UBN2: variants seen among roughly 807,000 people sequenced by gnomAD.
UBN2 encodes ubinuclein 2.
Under a neutral mutation model 120.2 loss-of-function variants are expected in UBN2, and 35 were observed. That is an observed-to-expected ratio of 0.29 (90% CI 0.22 to 0.39). The LOEUF (loss-of-function observed/expected upper bound fraction) is 0.39. Among genes scored for constraint, UBN2 ranks in the 10% least tolerant of loss-of-function variants. The probability of loss-of-function intolerance (pLI) is 1.00; values close to 1 mark genes in which losing one functional copy is unlikely to be tolerated. For missense variants in UBN2, 1,693 were observed against 1,663.2 expected (o/e 1.02, Z -0.31); for synonymous variants, 661 against 648.7 (o/e 1.02, Z -0.29).
At position 139,258,481 on chromosome 7, in the gene UBN2, A is replaced by T. The variant is rs1490533343; in HGVS notation, c.664-7A>T. The T allele has an allele frequency of 6.5e-7, 1 of 1,547,282 alleles. No homozygotes were observed. The highest frequency in any genetic ancestry group is 1.9e-5 in the Admixed American group (1 of 53,052). On this transcript the variant is annotated splice_region_variant and splice_polypyrimidine_tract_variant and intron_variant, in intron 3 of 17. Coordinates refer to ENST00000473989, the MANE Select transcript of UBN2 (RefSeq NM_173569.4). Reference sequence around the variant, plus strand: ...TATAGCGGAAACTTTTTTGTTTTTTAATCTAGTATGATGAATTAGTTCCCG... The same window carrying T: ...TATAGCGGAAACTTTTTTGTTTTTTTATCTAGTATGATGAATTAGTTCCCG...
intron 6 of UBN2, among the ~76,000 whole-genome samples, chr7:139,263,782 A>T (rs1464339590): frequency 2.0e-5 from 3 of 152,044 alleles, no homozygotes; most frequent in Non-Finnish European, 4.4e-5. Context: ...AAAAAAAAAA[A>T]AATAGGAATA....
In UBN2 at chr7:139,261,351, G is replaced by A; in HGVS notation, c.1005G>A (p.Lys335=). The A allele has an allele frequency of 1.2e-6, 2 of 1,614,148 alleles. No individual in the cohort carries two copies. Among genetic ancestry groups the A allele is most frequent in the South Asian group, 2.2e-5 (2 of 91,084 alleles). The change falls in exon 6 of 18, where the codon AAG becomes AAA. Residue 335 remains lysine (K), a synonymous_variant. Coordinates refer to ENST00000473989, the MANE Select transcript of UBN2 (RefSeq NM_173569.4). The part of the protein sequence containing the change: ...AAMIRKFQKE[K]DALKKESNPK... ...TGATTAGAAAATTCCAGAAAGAGAAGGATGCATTAAAGAAGGAGTCTAACC... is the reference window on the plus strand; with the variant it reads ...TGATTAGAAAATTCCAGAAAGAGAAAGATGCATTAAAGAAGGAGTCTAACC...
In UBN2 at chr7:139,283,667, CTTCG is replaced by C; in HGVS notation, c.2765_2768del (p.Ser922Ter). On this transcript the variant is annotated frameshift_variant, in exon 15 of 18. Coordinates refer to ENST00000473989, the MANE Select transcript of UBN2 (RefSeq NM_173569.4). LOFTEE classifies it high-confidence loss of function. Reference sequence around the variant, plus strand: ...GGAACATCCGAGGCCCAAGATGCTTCTTCGTTAACACAAGTAACAAAGGTGCACC... The same window carrying C: ...GGAACATCCGAGGCCCAAGATGCTTCTTAACACAAGTAACAAAGGTGCACC... The C allele has an allele frequency of 6.2e-7, 1 of 1,614,190 alleles. No individual in the cohort carries two copies. The highest frequency in any genetic ancestry group is 8.5e-7 in the Non-Finnish European group (1 of 1,180,038).
rs1209938123 is a variant in UBN2, at chr7:139,231,410, AG to A, written c.-72del. ...AGAAAAGCGACAGAGAGCAAGAGGA[AG>A]GGCGGGCAGGCACGCAGCGCGCCGT... On this transcript the variant is annotated 5_prime_UTR_variant, in exon 1 of 18. It introduces an in-frame stop codon into an upstream open reading frame of the 5' UTR. Transcript: ENST00000473989. The A allele has an allele frequency of 8.5e-7, 1 of 1,172,620 alleles. No individual in the cohort carries two copies. The highest frequency in any genetic ancestry group is 1.1e-6 in the Non-Finnish European group (1 of 920,780). The allele number at this position is 1,172,620 out of a possible 1,614,324, so 72.6% of individuals were successfully genotyped here.
chr7:139,310,375 C>T (rs954232727), downstream of UBN2, among the ~76,000 whole-genome samples: 5 of 151,988 alleles, frequency 3.3e-5, no homozygotes, highest in East Asian at 9.6e-4. Flanking sequence ...CTAATGCGTG[C>T]AAAGCAAATC....
the UBN2 span, among the ~76,000 whole-genome samples, chr7:139,324,571 A>G: frequency 4.0e-4 from 55 of 137,558 alleles, no homozygotes; most frequent in Middle Eastern, 3.7e-3. Context: ...AAAAAAAAAA[A>G]AAAAGAAAAA....
At position 139,293,380 on chromosome 7, in the gene UBN2, T is replaced by TA; in HGVS notation, c.3819dup (p.Phe1274IlefsTer24). ...ATGCCCTTCCAGTTTCCCTTGGAGATATTTGGCTTTGGAACGGACACAGCT... is the reference window on the plus strand; with the variant it reads ...ATGCCCTTCCAGTTTCCCTTGGAGATAATTTGGCTTTGGAACGGACACAGCT... On this transcript the variant is annotated frameshift_variant, in exon 16 of 18. Transcript: ENST00000473989. LOFTEE classifies it high-confidence loss of function. 2 of 1,614,144 alleles carry TA rather than the reference T, an allele frequency of 1.2e-6. No homozygotes were observed. The highest frequency in any genetic ancestry group is 1.7e-6 in the Non-Finnish European group (2 of 1,180,010).
intron 2 of UBN2, 92 bp downstream of exon 2, chr7:139,237,189 G>T (rs1304415170): frequency 7.9e-6 from 6 of 756,592 alleles, no homozygotes; most frequent in Admixed American, 2.3e-5. Flanking sequence ...AATATCCGTT[G>T]CCTGCCTTAC....
chr7:139,254,052 G>C (rs1796691677), intron 3 of UBN2, among the ~76,000 whole-genome samples: 1 of 152,182 alleles, frequency 6.6e-6, no homozygotes, highest in African/African-American at 2.4e-5. Context: ...CCAGCACTTT[G>C]GGAGGCAGAG....
At chr7:139,322,949 G>T in the UBN2 span, among the ~76,000 whole-genome samples, 1 of 152,152 alleles carries the variant, frequency 6.6e-6, no homozygotes, top group South Asian at 2.1e-4. Flanking sequence ...GGAAGCTGAC[G>T]AGTGGCAGTG....
At chr7:139,296,831 A>G (rs967020994) in intron 17 of UBN2, among the ~76,000 whole-genome samples, 3 of 152,156 alleles carry the variant, frequency 2.0e-5, no homozygotes, top group Admixed American at 6.5e-5. Context: ...TTGAGGCTAT[A>G]GTGTGCTATG....
chr7:139,236,540 C>G (rs1167301918), intron 1 of UBN2, among the ~76,000 whole-genome samples: 1 of 152,162 alleles, frequency 6.6e-6, no homozygotes, highest in Non-Finnish European at 1.5e-5. Flanking sequence ...AGATATCAAT[C>G]TAGAATTATA....
At chr7:139,323,478 C>T in the UBN2 span, among the ~76,000 whole-genome samples, 1 of 151,960 alleles carries the variant, frequency 6.6e-6, no homozygotes, top group East Asian at 1.9e-4. Context: ...TTTTTGTATG[C>T]TGCTCTCCGT....
At chr7:139,308,503 A>ATG (rs1798402910), downstream of UBN2, among the ~76,000 whole-genome samples, 2 of 152,126 alleles carry the variant, frequency 1.3e-5, no homozygotes, top group Admixed American at 1.3e-4. Context: ...TGGGGAAGAA[A>ATG]CGGGACTGGA....
the UBN2 span, among the ~76,000 whole-genome samples, chr7:139,322,726 G>T: frequency 1.3e-5 from 2 of 151,470 alleles, no homozygotes; most frequent in African/African-American, 4.9e-5. Flanking sequence ...TAGAGACGGG[G>T]TGTCACCATG....
At chr7:139,233,957 T>C (rs1233216265) in intron 1 of UBN2, among the ~76,000 whole-genome samples, 1 of 152,082 alleles carries the variant, frequency 6.6e-6, no homozygotes, top group Non-Finnish European at 1.5e-5. Context: ...ATTTTTTTCA[T>C]ATACCTCTGA....
chr7:139,239,305 T>G (rs981505181), intron 2 of UBN2, among the ~76,000 whole-genome samples: 1 of 152,164 alleles, frequency 6.6e-6, no homozygotes, highest in Admixed American at 6.5e-5. Flanking sequence ...GCATGCTGTT[T>G]CATTGCATGG....
intron 2 of UBN2, among the ~76,000 whole-genome samples, chr7:139,249,334 T>C (rs996741938): frequency 2.6e-4 from 39 of 152,306 alleles, no homozygotes; most frequent in African/African-American, 9.4e-4. Flanking sequence ...CACTATGTAA[T>C]ATAGACATAG....
At chr7:139,232,081 G>T (rs1220673758) in intron 1 of UBN2, 129 bp downstream of exon 1, 1 of 845,026 alleles carries the variant, frequency 1.2e-6, no homozygotes, top group Non-Finnish European at 1.7e-6. Context: ...GGTGCGGGGG[G>T]CCGGGGCCGA....
Sources: gnomAD v4.1 joint callset for allele counts (sites outside exome capture counted in the v4.1 genomes callset) on GRCh38, gnomAD v4.1.1 for gene constraint, MANE v1.5 for transcripts, NCBI Gene and HGNC (gene_info 2026-07-23, HGNC 2026-07-21) for gene names.